Variants in BMP2K observed in about 807,000 individuals in gnomAD.
BMP2K encodes BMP2 inducible kinase.
BMP2K carries 74 observed loss-of-function variants against 116.0 expected under a neutral mutation model. The observed-to-expected ratio is 0.64, with a 90% CI of 0.53 to 0.77. The LOEUF is 0.77. BMP2K is among the 30% of genes least tolerant of loss of function. The pLI, the probability that BMP2K is intolerant of heterozygous loss-of-function variation, is 0.00. For synonymous variants in BMP2K, 486 were observed against 502.5 expected (o/e 0.97, Z 0.44); for missense variants, 1,365 against 1,403.6 (o/e 0.97, Z 0.44).
At chr4:78,777,786 C>T (rs1409197823) in intron 1 of BMP2K, among the ~76,000 whole-genome samples, 1 of 152,052 alleles carries the variant, frequency 6.6e-6, no homozygotes, top group African/African-American at 2.4e-5. Flanking sequence ...TTTTGAAATG[C>T]TATACACAAC....
chr4:78,848,137 C>T (rs1577923170), intron 6 of BMP2K, among the ~76,000 whole-genome samples: 1 of 151,396 alleles, frequency 6.6e-6, no homozygotes, highest in East Asian at 1.9e-4. Flanking sequence ...TCTTGAGAGA[C>T]AGATATTCTT....
intron 4 of BMP2K, among the ~76,000 whole-genome samples, chr4:78,843,533 G>C (rs1286667066): frequency 6.6e-6 from 1 of 151,704 alleles, no homozygotes; most frequent in African/African-American, 2.4e-5. Context: ...AGTTCTGACT[G>C]ATTATACAGA....
intron 1 of BMP2K, among the ~76,000 whole-genome samples, chr4:78,824,633 C>G (rs1729784349): frequency 6.6e-6 from 1 of 152,152 alleles, no homozygotes. Flanking sequence ...GAACTCTTTT[C>G]CCCTATTATG....
At chr4:78,865,929 T>C (rs1732028649) in intron 10 of BMP2K, among the ~76,000 whole-genome samples, 1 of 152,188 alleles carries the variant, frequency 6.6e-6, no homozygotes, top group African/African-American at 2.4e-5. Flanking sequence ...AATATAAAAG[T>C]ATGGTACAAA....
chr4:78,792,926 C>T (rs1220438103), intron 1 of BMP2K, among the ~76,000 whole-genome samples: 1 of 152,108 alleles, frequency 6.6e-6, no homozygotes, highest in Non-Finnish European at 1.5e-5. Flanking sequence ...CTCTACTTAC[C>T]TGTGTGAGGC....
chr4:78,877,737 A>G (rs766830386), intron 13 of BMP2K, among the ~76,000 whole-genome samples: 4 of 152,240 alleles, frequency 2.6e-5, no homozygotes, highest in Non-Finnish European at 2.9e-5. Flanking sequence ...ACTGTACACA[A>G]TTGTATTGCT....
intron 12 of BMP2K, 47 bp from the exon 13 acceptor site, chr4:78,872,567 C>T (rs1018156503): frequency 4.6e-5 from 71 of 1,559,256 alleles, no homozygotes; most frequent in Non-Finnish European, 6.2e-5. Context: ...GCTGACAGTG[C>T]TTTAGGACTG....
intron 1 of BMP2K, among the ~76,000 whole-genome samples, chr4:78,809,479 G>A (rs937442962): frequency 1.3e-5 from 2 of 152,026 alleles, no homozygotes; most frequent in Non-Finnish European, 2.9e-5. Flanking sequence ...CTGAACTTAA[G>A]CAGTCCTCCC....
rs1263865335 is a variant in BMP2K at position 78,911,826 on chromosome 4, T to C, written c.3279T>C (p.Ala1093=). ...PPHQGLSDIR[A]DHNTVLPGRP... Reference sequence around the variant, plus strand: ...ATCAGGGCCTGAGCGACATCCGTGCTGATCACAATACTGTCCTGCCAGGGC... The same window carrying C: ...ATCAGGGCCTGAGCGACATCCGTGCCGATCACAATACTGTCCTGCCAGGGC... The change falls in exon 16 of 16, where the codon GCT becomes GCC. Residue 1093 remains alanine, a synonymous_variant. Transcript: ENST00000502613. 1 of 1,613,994 alleles carries C rather than the reference T, an allele frequency of 6.2e-7. No homozygotes were observed.
In BMP2K at chr4:78,809,782, G is replaced by A. The variant is rs137939164; in HGVS notation, c.179-16255G>A. Among the ~76,000 whole-genome samples, 6 of 151,722 alleles carry A rather than the reference G, an allele frequency of 4.0e-5. No individual in the cohort carries two copies. The East Asian group carries it at 1.2e-3, about 29-fold the overall frequency. ...ACCTTACTTTAGTTCTTTAGACATG[G>A]TTTTTATTAGTTCTTTGAACATATT... On this transcript the variant is annotated intron_variant, in intron 1 of 15. Transcript: ENST00000502613.
intron 15 of BMP2K, among the ~76,000 whole-genome samples, chr4:78,907,905 G>A (rs185291051): frequency 4.5e-4 from 68 of 152,196 alleles, no homozygotes; most frequent in African/African-American, 1.4e-3. Context: ...GGAGTAATAC[G>A]TTAAACGTTT....
intron 1 of BMP2K, among the ~76,000 whole-genome samples, chr4:78,789,714 G>T (rs1456120373): frequency 6.6e-6 from 1 of 152,192 alleles, no homozygotes; most frequent in Non-Finnish European, 1.5e-5. Flanking sequence ...TCCCAGGTTA[G>T]TCTGTTCTCT....
intron 1 of BMP2K, among the ~76,000 whole-genome samples, chr4:78,787,674 G>T (rs1019637628): frequency 1.6e-4 from 25 of 152,266 alleles, no homozygotes; most frequent in African/African-American, 5.3e-4. Context: ...GGCTCCTGGG[G>T]AGGGAAACAA....
intron 9 of BMP2K, among the ~76,000 whole-genome samples, chr4:78,863,511 G>A (rs137907284): frequency 1.1e-3 from 173 of 152,218 alleles, no homozygotes; most frequent in Non-Finnish European, 2.1e-3. Flanking sequence ...CTTAAAGATT[G>A]AGACACTGAG....
intron 13 of BMP2K, among the ~76,000 whole-genome samples, chr4:78,877,889 A>G (rs1007474431): frequency 2.0e-5 from 3 of 152,158 alleles, no homozygotes; most frequent in Non-Finnish European, 4.4e-5. Context: ...TTTTAATCTT[A>G]TGGAACCACC....
intron 15 of BMP2K, among the ~76,000 whole-genome samples, chr4:78,897,117 A>G (rs1733743978): frequency 6.6e-6 from 1 of 152,116 alleles, no homozygotes; most frequent in African/African-American, 2.4e-5. Flanking sequence ...AATATGGAGT[A>G]AAATTAGCAT....
intron 15 of BMP2K, among the ~76,000 whole-genome samples, chr4:78,893,630 A>G (rs1415805323): frequency 2.6e-5 from 4 of 152,194 alleles, no homozygotes; most frequent in African/African-American, 9.7e-5. Flanking sequence ...TGGCATGGTC[A>G]TAACTCACTA....
Position 78,911,897 on chromosome 4 carries a change from T to C in BMP2K, c.3350T>C (p.Val1117Ala). 3 of 1,614,000 alleles carry C rather than the reference T, an allele frequency of 1.9e-6. No individual in the cohort carries two copies. Among genetic ancestry groups the C allele is most frequent in the Non-Finnish European group, 2.5e-6 (3 of 1,179,892 alleles). The change falls in exon 16 of 16, where the codon GTA (valine) becomes GCA (alanine). Residue 1117 changes from valine (V) to alanine (A), a missense_variant. Physicochemically the swap from Val to Ala is moderately conservative, Grantham distance 64. This residue lies in a region of BMP2K where 596 missense variants were observed against 623.2 expected (regional missense o/e 0.96). Transcript: ENST00000502613. ...CATGGGTCATTCCATAGTGCAGATG[T>C]ATTGAAAATGGATGATTTTGGTGCC... ...SLHGSFHSAD[V>A]LKMDDFGAVP...
At chr4:78,872,531 G>T in intron 12 of BMP2K, 83 bp from the exon 13 acceptor site, 1 of 1,261,540 alleles carries the variant, frequency 7.9e-7, no homozygotes. Flanking sequence ...AATGTGAAAG[G>T]AAGGAACATA....
Sources: gnomAD v4.1 joint callset for allele counts (sites outside exome capture counted in the v4.1 genomes callset) on GRCh38, gnomAD v4.1.1 for gene constraint, gnomAD v4.1.1 regional missense constraint, MANE v1.5 for transcripts, NCBI Gene and HGNC (gene_info 2026-07-23, HGNC 2026-07-21) for gene names.